MSH3: variants seen among roughly 807,000 people sequenced by gnomAD.
The protein encoded by MSH3 is DNA mismatch repair protein Msh3.
Under a neutral mutation model 123.3 loss-of-function variants are expected in MSH3, and 106 were observed. The observed-to-expected ratio is 0.86, with a 90% confidence interval of 0.73 to 1.01. The LOEUF is 1.01. Ranked by LOEUF, MSH3 falls within the 50% of genes least tolerant of loss-of-function variation. MSH3 has a pLI of 0.00. For synonymous variants in MSH3, 515 were observed against 481.4 expected, an observed-to-expected ratio of 1.07 and a Z score of -0.91; for missense variants, 1,459 against 1,347.6, an observed-to-expected ratio of 1.08 and a Z score of -1.29.
intron 13 of MSH3, among the ~76,000 whole-genome samples, chr5:80,765,053 A>C (rs978923407): frequency 1.2e-4 from 19 of 152,164 alleles, no homozygotes; most frequent in African/African-American, 4.6e-4. Context: ...CTTCAGGAGC[A>C]GCCACTTACC....
At chr5:80,865,605 A>G (rs1363026834) in intron 22 of MSH3, among the ~76,000 whole-genome samples, 2 of 152,186 alleles carry the variant, frequency 1.3e-5, no homozygotes, top group African/African-American at 4.8e-5. Flanking sequence ...GAAAAAGAAC[A>G]CCGTTAGCCA....
chr5:80,699,985 A>G (rs992991811), intron 8 of MSH3, among the ~76,000 whole-genome samples: 8 of 152,098 alleles, frequency 5.3e-5, no homozygotes, highest in Admixed American at 1.3e-4. Context: ...CCTCTTTTCG[A>G]GAGCAGAAGA....
intron 20 of MSH3, among the ~76,000 whole-genome samples, chr5:80,825,990 G>A: frequency 6.6e-6 from 1 of 151,898 alleles, no homozygotes; most frequent in Non-Finnish European, 1.5e-5. Context: ...TTTTTGTCTT[G>A]GCTGCCAAGA....
In MSH3 at chr5:80,672,319, CTGTT is replaced by C. The variant is rs763478027; in HGVS notation, c.873_876del (p.Val292MetfsTer15). ...GACAGCAAGTATACCTACTCACAGA[CTGTT>C]TGTTCATGTACGCCGCCTGGTGGCA... On this transcript the variant is annotated frameshift_variant, in exon 5 of 24. Transcript: ENST00000265081. LOFTEE classifies it high-confidence loss of function. 3.1e-6 allele frequency: 5 copies of C among 1,614,016 alleles called. No homozygotes were observed. The highest frequency in any genetic ancestry group is 3.3e-5 in the Admixed American group (2 of 60,030).
rs976443124 is a variant in MSH3 at position 80,665,486 on chromosome 5, G to C, written c.579+123G>C. ...ACTTGGATGGTCTTCTGAATCATCT[G>C]AGGGAGCTTTTGTGTTTTAGTTTAG... is the stretch of plus-strand genomic sequence containing the variant. On this transcript the variant is annotated intron_variant, in intron 3 of 23. Coordinates refer to ENST00000265081, the MANE Select transcript of MSH3 (RefSeq NM_002439.5). The C allele has an allele frequency of 8.0e-6, 6 of 745,678 alleles. No individual in the cohort carries two copies. The South Asian group carries it at 8.1e-5, about 10-fold the overall frequency. The allele number at this position is 745,678 out of a possible 1,614,324, so 46.2% of individuals were successfully genotyped here.
intron 8 of MSH3, among the ~76,000 whole-genome samples, chr5:80,688,505 C>T (rs1750144696): frequency 6.6e-6 from 1 of 152,138 alleles, no homozygotes; most frequent in Non-Finnish European, 1.5e-5. Context: ...ATTTTGTGTT[C>T]ATCTCTTATT....
chr5:80,706,352 C>T (rs909830396), intron 8 of MSH3, among the ~76,000 whole-genome samples: 1 of 152,054 alleles, frequency 6.6e-6, no homozygotes, highest in African/African-American at 2.4e-5. Flanking sequence ...TTTAATCATG[C>T]ATGAAAAAAA....
chr5:80,784,039 GTC>G (rs1458862041), intron 17 of MSH3, among the ~76,000 whole-genome samples: 1 of 151,524 alleles, frequency 6.6e-6, no homozygotes, highest in East Asian at 1.9e-4. Context: ...GGGAAACCCC[GTC>G]TCTACTAAAA....
chr5:80,692,404 A>G (rs1194068047), intron 8 of MSH3, among the ~76,000 whole-genome samples: 3 of 32,528 alleles, frequency 9.2e-5, no homozygotes, highest in African/African-American at 5.9e-4. Flanking sequence ...ATATGTTTAG[A>G]TAGATAAACA....
At chr5:80,688,312 T>C (rs1024594505) in intron 8 of MSH3, among the ~76,000 whole-genome samples, 4 of 152,256 alleles carry the variant, frequency 2.6e-5, no homozygotes, top group Non-Finnish European at 5.9e-5. Flanking sequence ...GAATAACCTC[T>C]ACTATGTTTA....
At chr5:80,863,070 C>T (rs754894221) in intron 21 of MSH3, among the ~76,000 whole-genome samples, 3 of 152,044 alleles carry the variant, frequency 2.0e-5, no homozygotes, top group Non-Finnish European at 4.4e-5. Context: ...CTAGTGGGTA[C>T]CCTCTTCAAC....
At chr5:80,756,269 A>C (rs1051358156) in intron 12 of MSH3, among the ~76,000 whole-genome samples, 1 of 152,204 alleles carries the variant, frequency 6.6e-6, no homozygotes, top group Non-Finnish European at 1.5e-5. Context: ...AACAACAACA[A>C]AGCAGGATAT....
chr5:80,782,015 A>C (rs1279526280), intron 17 of MSH3, among the ~76,000 whole-genome samples: 8 of 152,256 alleles, frequency 5.3e-5, no homozygotes. Flanking sequence ...GTGTATATTT[A>C]CATAATGCAC....
chr5:80,740,176 C>T (rs1380991398), intron 10 of MSH3, among the ~76,000 whole-genome samples: 1 of 152,146 alleles, frequency 6.6e-6, no homozygotes, highest in African/African-American at 2.4e-5. Context: ...ATTGTACATA[C>T]ATTTATTAGT....
chr5:80,813,780 TAAGTC>T (rs1304504815), intron 20 of MSH3, 39 bp downstream of exon 20: 3 of 1,606,442 alleles, frequency 1.9e-6, no homozygotes, highest in Non-Finnish European at 2.6e-6. Context: ...TTCTTGAAAA[TAAGTC>T]AAGCCCACAT....
rs1376473162 is a variant in MSH3 at position 80,809,007 on chromosome 5, T to G, written c.2656-4577T>G. ...ACATTAGGCCTAAGCCAAATGTATT[T>G]TCATTTGTTTTAGTTCATTTCTTCT... On this transcript the variant is annotated intron_variant, in intron 19 of 23. Transcript: ENST00000265081. 5.3e-5 allele frequency among the ~76,000 whole-genome samples: 8 copies of G among 151,410 alleles called. No homozygotes were observed. In the East Asian group the frequency reaches 1.5e-3, roughly 29 times the overall value.
chr5:80,656,530 TG>T lies in MSH3; in HGVS notation c.358+1del. 1 of 1,614,128 alleles carries T rather than the reference TG, an allele frequency of 6.2e-7. No homozygotes were observed. Among genetic ancestry groups the T allele is most frequent in the Non-Finnish European group, 8.5e-7 (1 of 1,179,986 alleles). On this transcript the variant is annotated frameshift_variant and splice_region_variant, in exon 2 of 24. Coordinates refer to ENST00000265081, the MANE Select transcript of MSH3 (RefSeq NM_002439.5). LOFTEE classifies it high-confidence loss of function. Reference sequence around the variant, plus strand: ...GTGATCTGGGAATGTCTGGCAACTCTGGTGAGTTGTGGGGGATTCTTTTTTC... The same window carrying T: ...GTGATCTGGGAATGTCTGGCAACTCTGTGAGTTGTGGGGGATTCTTTTTTC... Reference protein sequence around the residue: ...GSDLGMSGNSEPKKCLRTRNV... With the variant: ...GSDLGMSGNSXPKKCLRTRNV...
At chr5:80,813,410 C>T (rs910854235) in intron 19 of MSH3, among the ~76,000 whole-genome samples, 174 bp from the exon 20 acceptor site, 2 of 152,222 alleles carry the variant, frequency 1.3e-5, no homozygotes, top group African/African-American at 4.8e-5. Flanking sequence ...GCTAAGAATT[C>T]ACTTTTCTGC....
chr5:80,866,350 G>T (rs1580099630), intron 22 of MSH3, among the ~76,000 whole-genome samples: 1 of 152,140 alleles, frequency 6.6e-6, no homozygotes, highest in East Asian at 1.9e-4. Flanking sequence ...TGTTGCCCAG[G>T]CTGGTCTCAA....
Sources: allele counts gnomAD v4.1 joint callset (sites outside exome capture counted in the v4.1 genomes callset), GRCh38; gene constraint gnomAD v4.1.1; transcripts MANE v1.5; gene names NCBI Gene and HGNC (gene_info 2026-07-23, HGNC 2026-07-21).